The following TAFA1 variants were observed in gnomAD, a reference collection of about 807,000 sequenced individuals.
TAFA1 encodes the protein chemokine-like protein TAFA-1.
A neutral mutation model predicts 18.5 loss-of-function variants in TAFA1; 4 were observed. The ratio of observed to expected loss-of-function variants is 0.22; its 90% CI spans 0.11 to 0.49. The LOEUF (loss-of-function observed/expected upper bound fraction) is 0.49, where lower values mean the gene tolerates loss of function less well. Ranked by LOEUF, TAFA1 falls within the 20% of genes least tolerant of loss-of-function variation. The pLI is 0.98. For synonymous variants in TAFA1, 56 were observed against 55.2 expected, an observed-to-expected ratio of 1.01 and a Z score of -0.06; for missense variants, 147 against 169.0, an observed-to-expected ratio of 0.87 and a Z score of 0.72.
At chr3:68,244,661 C>T (rs979789017) in intron 2 of TAFA1, among the ~76,000 whole-genome samples, 2 of 152,088 alleles carry the variant, frequency 1.3e-5, no homozygotes, top group Non-Finnish European at 2.9e-5. Flanking sequence ...TAGATGTGAG[C>T]CACTCTCCCT....
chr3:68,519,751 G>A lies in TAFA1; in HGVS notation c.260-19005G>A, dbSNP rs370959504. ...TGGCAGAAAGCAGAGTGAGGTTTCT[G>A]GGGGACCCTTTTATGTGGGCACTAA... On this transcript the variant is annotated intron_variant, in intron 3 of 4. Transcript: ENST00000478136. Among the ~76,000 whole-genome samples the A allele has an allele frequency of 2.0e-5, 3 of 152,172 alleles. No homozygotes were observed. In the East Asian group the frequency reaches 5.8e-4, roughly 29 times the overall value.
At chr3:68,036,253 A>T (rs1341573226) in intron 2 of TAFA1, among the ~76,000 whole-genome samples, 1 of 152,100 alleles carries the variant, frequency 6.6e-6, no homozygotes, top group Admixed American at 6.6e-5. Context: ...AGTCTGACCA[A>T]AATGGTGAAA....
intron 2 of TAFA1, among the ~76,000 whole-genome samples, chr3:68,248,743 C>T (rs1007872870): frequency 0.045 from 234 of 5,252 alleles, 2 homozygotes; most frequent in African/African-American, 0.17. Flanking sequence ...GGGCGGGGGG[C>T]GGGGGCTGGG....
intron 2 of TAFA1, among the ~76,000 whole-genome samples, chr3:68,304,219 A>T (rs908116485): frequency 2.3e-4 from 35 of 152,230 alleles, no homozygotes; most frequent in Non-Finnish European, 3.2e-4. Flanking sequence ...ATATGAAAAA[A>T]TGTAAAGGAG....
intron 2 of TAFA1, among the ~76,000 whole-genome samples, chr3:68,008,323 A>G (rs1380870928): frequency 1.3e-5 from 2 of 152,262 alleles, no homozygotes; most frequent in Admixed American, 6.5e-5. Flanking sequence ...TTGTTCTGGC[A>G]CAAATGTCTT....
chr3:68,284,525 C>A (rs2067960368), intron 2 of TAFA1, among the ~76,000 whole-genome samples: 3 of 152,148 alleles, frequency 2.0e-5, no homozygotes, highest in Non-Finnish European at 2.9e-5. Flanking sequence ...ATGCTTTTAG[C>A]AGCTTTCTTC....
intron 3 of TAFA1, among the ~76,000 whole-genome samples, chr3:68,524,795 C>T (rs1463033264): frequency 5.3e-5 from 8 of 151,980 alleles, no homozygotes; most frequent in Non-Finnish European, 8.8e-5. Flanking sequence ...CTCAGCCTCC[C>T]GAGTAGCTGG....
At chr3:68,100,000 A>T (rs979189584) in intron 2 of TAFA1, among the ~76,000 whole-genome samples, 1 of 152,116 alleles carries the variant, frequency 6.6e-6, no homozygotes, top group Non-Finnish European at 1.5e-5. Context: ...ACAACTAGAA[A>T]GGGGAGGGAG....
At chr3:68,042,264 A>AC (rs11380456) in intron 2 of TAFA1, among the ~76,000 whole-genome samples, 141,842 of 152,284 alleles carry the variant, frequency 0.93, 66,234 homozygotes, top group South Asian at 0.97. Flanking sequence ...AGTGTTTGAG[A>AC]CATAATAATT....
intron 2 of TAFA1, among the ~76,000 whole-genome samples, chr3:68,390,367 A>G (rs1027456869): frequency 1.3e-5 from 2 of 152,174 alleles, no homozygotes; most frequent in Admixed American, 1.3e-4. Flanking sequence ...AGGGACTTAT[A>G]TATAAAACTC....
At chr3:68,189,379 T>C (rs1187605052) in intron 2 of TAFA1, among the ~76,000 whole-genome samples, 1 of 151,888 alleles carries the variant, frequency 6.6e-6, no homozygotes, top group African/African-American at 2.4e-5. Context: ...AACCCTGTCC[T>C]TGTCCTTATT....
chr3:68,098,208 G>T (rs1311830935), intron 2 of TAFA1, among the ~76,000 whole-genome samples: 1 of 151,800 alleles, frequency 6.6e-6, no homozygotes, highest in African/African-American at 2.4e-5. Context: ...GCATCAAATG[G>T]GGGAAAAAAA....
intron 3 of TAFA1, among the ~76,000 whole-genome samples, chr3:68,441,682 C>T (rs1559671753): frequency 6.6e-6 from 1 of 152,110 alleles, no homozygotes; most frequent in Non-Finnish European, 1.5e-5. Flanking sequence ...GTCTCAAATG[C>T]CCATGGTCTC....
At chr3:68,311,712 C>T (rs1328908373) in intron 2 of TAFA1, among the ~76,000 whole-genome samples, 1 of 152,216 alleles carries the variant, frequency 6.6e-6, no homozygotes, top group East Asian at 1.9e-4. Flanking sequence ...CTTCTGGCTG[C>T]TTTCAGAAAC....
At chr3:68,254,467 T>G (rs2067259779) in intron 2 of TAFA1, among the ~76,000 whole-genome samples, 2 of 152,080 alleles carry the variant, frequency 1.3e-5, no homozygotes, top group South Asian at 4.1e-4. Context: ...GGAAGAAAGA[T>G]ACTTGTAACA....
intron 2 of TAFA1, among the ~76,000 whole-genome samples, chr3:68,229,186 T>A (rs189338126): frequency 2.0e-5 from 3 of 152,334 alleles, no homozygotes; most frequent in Admixed American, 2.0e-4. Flanking sequence ...GATTTGGAAG[T>A]CATAGTGAGT....
intron 2 of TAFA1, among the ~76,000 whole-genome samples, chr3:68,200,784 T>C (rs947335111): frequency 3.0e-4 from 46 of 151,734 alleles, no homozygotes; most frequent in African/African-American, 1.1e-3. Context: ...ATCATTTTAA[T>C]TATCTTTTCA....
intron 2 of TAFA1, among the ~76,000 whole-genome samples, chr3:68,022,598 G>A (rs1018904535): frequency 5.3e-5 from 8 of 151,968 alleles, no homozygotes; most frequent in East Asian, 1.9e-4. Flanking sequence ...TTTGAGTAGC[G>A]AAGAATTCTA....
chr3:68,011,537 C>G (rs1325082748), intron 2 of TAFA1, among the ~76,000 whole-genome samples: 1 of 151,910 alleles, frequency 6.6e-6, no homozygotes, highest in African/African-American at 2.4e-5. Flanking sequence ...TTATTTTTAC[C>G]TTACTATTCA....
Sources: allele counts gnomAD v4.1 joint callset (sites outside exome capture counted in the v4.1 genomes callset), GRCh38; gene constraint gnomAD v4.1.1; transcripts MANE v1.5; gene names NCBI Gene and HGNC (gene_info 2026-07-23, HGNC 2026-07-21).